The following KMT2D variants were observed in gnomAD, a reference collection of about 807,000 sequenced individuals.
The protein encoded by KMT2D is histone-lysine N-methyltransferase 2D.
In KMT2D, 55 loss-of-function variants were observed where a neutral mutation model predicts 512.7. The observed-to-expected ratio is 0.11, with a 90% CI of 0.09 to 0.13. The LOEUF is 0.13. Among genes scored for constraint, KMT2D ranks in the 10% least tolerant of loss-of-function variants. KMT2D has a pLI of 1.00. For missense variants in KMT2D, 6,061 were observed against 7,127.9 expected, an observed-to-expected ratio of 0.85 and a Z score of 5.39; for synonymous variants, 2,995 against 2,904.0, an observed-to-expected ratio of 1.03 and a Z score of -1.01.
At position 49,022,470 on chromosome 12, in the gene KMT2D, C is replaced by T; in HGVS notation, c.16339-117G>A. 1 of 1,500,540 alleles carries T rather than the reference C, an allele frequency of 6.7e-7. No individual in the cohort carries two copies. Among genetic ancestry groups the T allele is most frequent in the Non-Finnish European group, 9.1e-7 (1 of 1,093,288 alleles). 93.0% of individuals were successfully genotyped at this position (1,500,540 alleles called of 1,614,324 possible). A position where few individuals can be genotyped will look rare whatever the true frequency, so the allele number is the denominator to read the frequency against. ...GGCTTTTGTTGCATGTACTTCATTT[C>T]TCCTGCCTTTCCCTTCTCCCCACCA... On this transcript the variant is annotated intron_variant, in intron 52 of 54. Transcript: ENST00000301067. This position sits in a 1 kb window ranked among gnomAD's most constrained non-coding sequence, Gnocchi z 8.6.
At position 49,052,081 on chromosome 12, in the gene KMT2D, C is replaced by A. The variant is rs548763965; in HGVS notation, c.1602G>T (p.Thr534=). The A allele has an allele frequency of 1.2e-6, 2 of 1,611,890 alleles. No homozygotes were observed. Among genetic ancestry groups the A allele is most frequent in the East Asian group, 2.2e-5 (1 of 44,808 alleles). Residue 534 remains threonine (T), a synonymous_variant, in exon 11 of 55, where the codon ACG becomes ACT. Transcript: ENST00000301067. ...ATGCTTCAGGTGGTGGGGATAGAGGCGTCTCAAGTGCAGGAGATGGGGGTG... is the reference window on the plus strand; with the variant it reads ...ATGCTTCAGGTGGTGGGGATAGAGGAGTCTCAAGTGCAGGAGATGGGGGTG... ...EESPPSPALE[T]PLSPPPEASP...
At chr12:49,035,581 C>CA (rs1046895516) in intron 35 of KMT2D, 1 of 152,242 alleles carries the variant, frequency 6.6e-6, no homozygotes, top group Admixed American at 6.5e-5. Flanking sequence ...TTTTTAAAGA[C>CA]AGAGTCTTGC....
rs2120367082 is a variant in KMT2D at position 49,027,069 on chromosome 12, C to T, written c.14897G>A (p.Arg4966Gln). The T allele has an allele frequency of 1.2e-6, 2 of 1,613,454 alleles. No homozygotes were observed. Among genetic ancestry groups the T allele is most frequent in the Non-Finnish European group, 1.7e-6 (2 of 1,179,554 alleles). Reference sequence around the variant, plus strand: ...GGAATCTTCACCTTCTTCAGGGGGCCGGGCACGGGGCTTGGGTCGGGCTGA... The same window carrying T: ...GGAATCTTCACCTTCTTCAGGGGGCTGGGCACGGGGCTTGGGTCGGGCTGA... ...PESARPKPRA[R>Q]PPEEGEDSRP... is the part of the protein sequence containing the mutation. Residue 4966 changes from arginine to glutamine, a missense_variant, in exon 49 of 55, where the codon CGG (arginine) becomes CAG (glutamine). Physicochemically the swap from Arg to Gln is conservative, Grantham distance 43. This residue lies in a region of KMT2D where 1,600 missense variants were observed against 1,754.9 expected (regional missense o/e 0.91). Transcript: ENST00000301067.
In KMT2D at chr12:49,022,333, G is replaced by C. The variant is rs1188405126; in HGVS notation, c.16359C>G (p.Phe5453Leu). The C allele has an allele frequency of 6.2e-7, 1 of 1,608,230 alleles. No homozygotes were observed. Among genetic ancestry groups the C allele is most frequent in the Non-Finnish European group, 8.5e-7 (1 of 1,176,472 alleles). ...YEEQNRGIYMFRINNEHVIDA... is the reference protein window; with the variant it reads ...YEEQNRGIYMLRINNEHVIDA... ...CAATCACATGTTCATTGTTTATTCG[G>C]AACATGTAGATGCCTCGATTCTAGA... Residue 5453 changes from phenylalanine (F) to leucine (L), a missense_variant, in exon 53 of 55, where the codon TTC (phenylalanine) becomes TTG (leucine). This residue lies in a region of KMT2D where 44 missense variants were observed against 194.7 expected (regional missense o/e 0.23). Transcript: ENST00000301067. The surrounding 1 kb of genome is among the most constrained non-coding windows in gnomAD (Gnocchi z 8.6).
intron 13 of KMT2D, 49 bp downstream of exon 13, chr12:49,049,056 G>T: frequency 2.6e-6 from 3 of 1,167,270 alleles, no homozygotes; most frequent in Non-Finnish European, 2.5e-6. Flanking sequence ...GACTCAGAGG[G>T]TGCTAAAGCA....
intron 51 of KMT2D, among the ~76,000 whole-genome samples, 156 bp from the exon 52 acceptor site, chr12:49,023,031 G>A (rs188724204): frequency 6.6e-6 from 1 of 152,264 alleles, no homozygotes; most frequent in East Asian, 1.9e-4. Context: ...AGGAGTAGAG[G>A]CAACTGGGTC....
chr12:49,040,917 G>A lies in KMT2D; in HGVS notation c.6853C>T (p.Leu2285=), dbSNP rs771287738. ...CCAAGCTCTTCCTTCTTCACCTCTA[G>A]GGCCTTCCGGGACTCCCCAAAAGGT... The part of the protein sequence containing the change: ...PPPFGESRKA[L]EVKKEELGAS... The change falls in exon 32 of 55, where the codon CTA becomes TTA. Residue 2285 remains leucine, a synonymous_variant. Transcript: ENST00000301067. The A allele has an allele frequency of 1.2e-5, 19 of 1,613,816 alleles. No individual in the cohort carries two copies. The highest frequency in any genetic ancestry group is 1.5e-5 in the Non-Finnish European group (18 of 1,179,760).
In KMT2D at chr12:49,041,675, G is replaced by A. The variant is rs758738598; in HGVS notation, c.6214C>T (p.Arg2072Cys). The A allele has an allele frequency of 2.5e-6, 4 of 1,612,902 alleles. No homozygotes were observed. Among genetic ancestry groups the A allele is most frequent in the East Asian group, 2.2e-5 (1 of 44,852 alleles). Residue 2072 changes from arginine to cysteine, a missense_variant, in exon 31 of 55, where the codon CGC becomes TGC. By Grantham distance (180) the Arg-to-Cys change is radical (BLOSUM62 -3). Coordinates refer to ENST00000301067, the MANE Select transcript of KMT2D (RefSeq NM_003482.4). This position sits in a 1 kb window ranked among gnomAD's most constrained non-coding sequence, Gnocchi z 5.4. ...CTCACCTTCTGCACCTTGTTGATGC[G>A]GTGAGCTGCCCGGTTATCTTTGGCC... ...QKAKDNRAAHRINKVQKQAES... is the reference protein window; with the variant it reads ...QKAKDNRAAHCINKVQKQAES...
intron 1 of KMT2D, 67 bp from the exon 2 acceptor site, chr12:49,055,428 C>T: frequency 1.8e-6 from 2 of 1,089,260 alleles, no homozygotes; most frequent in Non-Finnish European, 2.7e-6. Flanking sequence ...TTCCCAGAAT[C>T]CTGGGAAGAA....
rs1447675667 is a variant in KMT2D at position 49,040,669 on chromosome 12, G to T, written c.7101C>A (p.Asp2367Glu). The change falls in exon 32 of 55, where the codon GAC (aspartate) becomes GAA (glutamate). Residue 2367 changes from aspartate (D) to glutamate (E), a missense_variant. By Grantham distance (45) the Asp-to-Glu change is conservative. Coordinates refer to ENST00000301067, the MANE Select transcript of KMT2D (RefSeq NM_003482.4). ...ALAPSPPSHP[D>E]IFRPGSYTDP... ...CAGTGTAGGAGCCAGGGCGAAAGAT[G>T]TCTGGGTGACTTGGAGGAGAAGGTG... 1 of 1,613,718 alleles carries T rather than the reference G, an allele frequency of 6.2e-7. No homozygotes were observed. The highest frequency in any genetic ancestry group is 1.3e-5 in the African/African-American group (1 of 74,884).
intron 51 of KMT2D, among the ~76,000 whole-genome samples, chr12:49,023,544 G>T (rs1942430504): frequency 6.6e-6 from 1 of 152,162 alleles, no homozygotes; most frequent in South Asian, 2.1e-4. Context: ...CAGAGCAGTG[G>T]TTTTCAAACG....
chr12:49,037,962 AAGG>A lies in KMT2D; in HGVS notation c.9391_9393del (p.Pro3131del), dbSNP rs748239185. 11 of 1,603,520 alleles carry A rather than the reference AAGG, an allele frequency of 6.9e-6. No individual in the cohort carries two copies. Among genetic ancestry groups the A allele is most frequent in the East Asian group, 2.2e-5 (1 of 44,468 alleles). ...TTGGGGGTAGCAATGGTGAATTGGC[AAGG>A]AGAAGGGTGGCGTCCACCCTCCTCC... On this transcript the variant is annotated inframe_deletion, in exon 35 of 55. Coordinates refer to ENST00000301067, the MANE Select transcript of KMT2D (RefSeq NM_003482.4).
In KMT2D at chr12:49,028,960, T is replaced by C. The variant is rs201687108; in HGVS notation, c.14252-2A>G. The C allele has an allele frequency of 3.7e-6, 6 of 1,613,542 alleles. No homozygotes were observed. In the Admixed American group the frequency reaches 6.7e-5, roughly 18 times the overall value. Reference sequence around the variant, plus strand: ...CATAAGGTTTGGTATCTGGGAAGACTGAATGAGAAAGAGGAATTTGTGTAA... The same window carrying C: ...CATAAGGTTTGGTATCTGGGAAGACCGAATGAGAAAGAGGAATTTGTGTAA... On this transcript the variant is annotated splice_acceptor_variant, in intron 45 of 54. Coordinates refer to ENST00000301067, the MANE Select transcript of KMT2D (RefSeq NM_003482.4). LOFTEE classifies it high-confidence loss of function.
Position 49,028,125 on chromosome 12 carries a change from A to C in KMT2D, c.14399T>G (p.Met4800Arg). Residue 4800 changes from methionine to arginine, a missense_variant, in exon 47 of 55, where the codon ATG becomes AGG. By Grantham distance (91) the Met-to-Arg change is moderately conservative (BLOSUM62 -1). Around this residue, in one of 16 missense-constraint regions of KMT2D, gnomAD observed 1,600 missense variants for 1,754.9 expected, o/e 0.91. Coordinates refer to ENST00000301067, the MANE Select transcript of KMT2D (RefSeq NM_003482.4). ...GCTCAGCAGCTCCGCCACTGCCACCATCACGCCATTCAGGTTCTGCCAGGG... is the reference window on the plus strand; with the variant it reads ...GCTCAGCAGCTCCGCCACTGCCACCCTCACGCCATTCAGGTTCTGCCAGGG... ...AAAAKNLNGV[M>R]VAVAELLSMK... 1 of 1,614,006 alleles carries C rather than the reference A, an allele frequency of 6.2e-7. No individual in the cohort carries two copies. Among genetic ancestry groups the C allele is most frequent in the Non-Finnish European group, 8.5e-7 (1 of 1,179,894 alleles).
At position 49,041,180 on chromosome 12, in the gene KMT2D, G is replaced by A. The variant is rs750565501; in HGVS notation, c.6590C>T (p.Pro2197Leu). ...GGCCCCCGTAGGACTAGGATAGGGGGGATAGGTGGGCGGTGCCGTGGGGAA... is the reference window on the plus strand; with the variant it reads ...GGCCCCCGTAGGACTAGGATAGGGGAGATAGGTGGGCGGTGCCGTGGGGAA... ...PRFPTAPPTY[P>L]PYPSPTGAPA... The change falls in exon 32 of 55, where the codon CCC (proline) becomes CTC (leucine). Residue 2197 changes from proline to leucine, a missense_variant. Transcript: ENST00000301067. This position sits in a 1 kb window ranked among gnomAD's most constrained non-coding sequence, Gnocchi z 5.4. The A allele has an allele frequency of 6.6e-6, 10 of 1,518,206 alleles. No homozygotes were observed. In the African/African-American group the frequency reaches 1.3e-4, roughly 19 times the overall value. The allele number at this position is 1,518,206 out of a possible 1,614,324, so 94.0% of individuals were successfully genotyped here.
chr12:49,022,436 G>C lies in KMT2D; in HGVS notation c.16339-83C>G. ...GCTGTGGGATCAGGTAGGAGACTCA[G>C]GCAGTGGGGGCTTTTGTTGCATGTA... On this transcript the variant is annotated intron_variant, in intron 52 of 54. Transcript: ENST00000301067. The surrounding 1 kb of genome is among the most constrained non-coding windows in gnomAD (Gnocchi z 8.6). 1.3e-6 allele frequency: 2 copies of C among 1,495,688 alleles called. No individual in the cohort carries two copies. The highest frequency in any genetic ancestry group is 1.8e-6 in the Non-Finnish European group (2 of 1,085,510). The allele number at this position is 1,495,688 out of a possible 1,614,324, so 92.7% of individuals were successfully genotyped here. A position where few individuals can be genotyped will look rare whatever the true frequency, so the allele number is the denominator to read the frequency against.
At position 49,051,364 on chromosome 12, in the gene KMT2D, C is replaced by G. The variant is rs752689929; in HGVS notation, c.2319G>C (p.Gln773His). 2 of 1,608,872 alleles carry G rather than the reference C, an allele frequency of 1.2e-6. No individual in the cohort carries two copies. The highest frequency in any genetic ancestry group is 2.2e-5 in the South Asian group (2 of 90,760). ...CAGCGCATAGGCATGGCTCCTCAGG[C>G]TGGGGGGACAGGTGTGGCTCCTCAG... is the stretch of plus-strand genomic sequence containing the variant. The part of the protein sequence containing the change: ...PQAEEPHLSP[Q>H]PEEPCLCAVP... The change falls in exon 11 of 55, where the codon CAG becomes CAC. Residue 773 changes from glutamine (Q) to histidine (H), a missense_variant. Gln to His is a conservative substitution (Grantham distance 24). Around this residue, in one of 16 missense-constraint regions of KMT2D, gnomAD observed 848 missense variants for 838.5 expected, o/e 1.01. Transcript: ENST00000301067.
At position 49,052,089 on chromosome 12, in the gene KMT2D, G is replaced by C. The variant is rs1565819872; in HGVS notation, c.1594C>G (p.Leu532Val). Reference protein sequence around the residue: ...PPEESPPSPALETPLSPPPEA... With the variant: ...PPEESPPSPAVETPLSPPPEA... ...GGTGGTGGGGATAGAGGCGTCTCAA[G>C]TGCAGGAGATGGGGGTGACTCTTCC... Residue 532 changes from leucine to valine, a missense_variant, in exon 11 of 55, where the codon CTT becomes GTT. Leu to Val is a conservative substitution (Grantham distance 32). This residue lies in a region of KMT2D where 848 missense variants were observed against 838.5 expected (regional missense o/e 1.01). Coordinates refer to ENST00000301067, the MANE Select transcript of KMT2D (RefSeq NM_003482.4). The C allele has an allele frequency of 1.9e-6, 3 of 1,612,308 alleles. No homozygotes were observed. Among genetic ancestry groups the C allele is most frequent in the Non-Finnish European group, 2.5e-6 (3 of 1,179,360 alleles).
rs374180566 is a variant in KMT2D at position 49,022,410 on chromosome 12, G to A, written c.16339-57C>T. The stretch of plus-strand genomic sequence containing the variant: ...AAGAGTATCAGAGAGTGGCAGTGGT[G>A]GCTGTGGGATCAGGTAGGAGACTCA... On this transcript the variant is annotated intron_variant, in intron 52 of 54. Transcript: ENST00000301067. This position sits in a 1 kb window ranked among gnomAD's most constrained non-coding sequence, Gnocchi z 8.6. The A allele has an allele frequency of 7.7e-6, 12 of 1,552,878 alleles. No individual in the cohort carries two copies. The African/African-American group carries it at 1.2e-4, about 16-fold the overall frequency.
Sources: allele counts gnomAD v4.1 joint callset (sites outside exome capture counted in the v4.1 genomes callset), GRCh38; gene constraint gnomAD v4.1.1; regional missense constraint gnomAD v4.1.1; non-coding constraint Gnocchi (gnomAD v3.1); transcripts MANE v1.5; gene names NCBI Gene and HGNC (gene_info 2026-07-23, HGNC 2026-07-21).